ARVCF: variants seen among roughly 807,000 people sequenced by gnomAD.
ARVCF encodes splicing regulator ARVCF.
ARVCF carries 66 observed loss-of-function variants against 90.9 expected under a neutral mutation model. The ratio of observed to expected loss-of-function variants is 0.73; its 90% CI spans 0.60 to 0.89. ARVCF has a LOEUF of 0.89. Among genes scored for constraint, ARVCF ranks in the 40% least tolerant of loss-of-function variants. ARVCF has a pLI of 0.00. For synonymous variants in ARVCF, 653 were observed against 603.4 expected (o/e 1.08, Z -1.21); for missense variants, 1,469 against 1,382.3 (o/e 1.06, Z -1.00).
At chr22:19,967,158 G>A (rs1005904961), downstream of ARVCF, 38 of 1,302,548 alleles carry the variant, frequency 2.9e-5, no homozygotes, top group African/African-American at 7.6e-5. Context: ...TGTTTAACTC[G>A]TGCAGGTGCA....
At chr22:19,976,806 C>T (rs1157099088) in intron 9 of ARVCF, 83 bp from the exon 10 acceptor site, 1 of 1,482,702 alleles carries the variant, frequency 6.7e-7, no homozygotes, top group African/African-American at 1.4e-5. Context: ...CTCCCGGAAG[C>T]CTCAGGTTCC....
chr22:19,992,688 C>A (rs760843339), intron 2 of ARVCF, among the ~76,000 whole-genome samples: 14 of 152,218 alleles, frequency 9.2e-5, no homozygotes, highest in Non-Finnish European at 1.6e-4. Flanking sequence ...TGGCAACAAT[C>A]AGGACCACAG....
rs376589668 is a variant in ARVCF at position 19,978,010 on chromosome 22, G to T, written c.1646C>A (p.Ala549Glu). ...AGCCGACTGCAGGGCATGCAGGAGCGCGTCCACCAGCCCTTCACACTCCCG... is the reference window on the plus strand; with the variant it reads ...AGCCGACTGCAGGGCATGCAGGAGCTCGTCCACCAGCCCTTCACACTCCCG... Reference protein sequence around the residue: ...RLRECEGLVDALLHALQSAVG... With the variant: ...RLRECEGLVDELLHALQSAVG... Residue 549 changes from alanine (A) to glutamate (E), a missense_variant, in exon 8 of 20, where the codon GCG (alanine) becomes GAG (glutamate). Coordinates refer to ENST00000263207, the MANE Select transcript of ARVCF (RefSeq NM_001670.3). 2.5e-6 allele frequency: 4 copies of T among 1,611,982 alleles called. No individual in the cohort carries two copies. The highest frequency in any genetic ancestry group is 1.7e-5 in the Admixed American group (1 of 59,924).
chr22:20,002,260 C>T lies in ARVCF; in HGVS notation c.-19+8195G>A, dbSNP rs145862969. ...GCTCCTAAATGCGCTGTGTCCACTTCGAGGTGTAGGGAGGAGGGTGCCCAG... is the reference window on the plus strand; with the variant it reads ...GCTCCTAAATGCGCTGTGTCCACTTTGAGGTGTAGGGAGGAGGGTGCCCAG... On this transcript the variant is annotated intron_variant, in intron 2 of 19. Coordinates refer to ENST00000263207, the MANE Select transcript of ARVCF (RefSeq NM_001670.3). Among the ~76,000 whole-genome samples the T allele has an allele frequency of 5.3e-5, 8 of 152,308 alleles. No homozygotes were observed. In the South Asian group the frequency reaches 6.2e-4, roughly 12 times the overall value.
chr22:19,977,977 C>T lies in ARVCF; in HGVS notation c.1679G>A (p.Arg560Gln), dbSNP rs780343598. Residue 560 changes from arginine (R) to glutamine (Q), a missense_variant, in exon 8 of 20, where the codon CGG becomes CAG. Physicochemically the swap from Arg to Gln is conservative, Grantham distance 43. Transcript: ENST00000263207. Reference protein sequence around the residue: ...LLHALQSAVGRKDTDNKSVEN... With the variant: ...LLHALQSAVGQKDTDNKSVEN... Reference sequence around the variant, plus strand: ...GCCCACCTTGTTGTCAGTGTCCTTCCGGCCCACAGCCGACTGCAGGGCATG... The same window carrying T: ...GCCCACCTTGTTGTCAGTGTCCTTCTGGCCCACAGCCGACTGCAGGGCATG... 39 of 1,609,370 alleles carry T rather than the reference C, an allele frequency of 2.4e-5. No homozygotes were observed. The highest frequency in any genetic ancestry group is 7.7e-5 in the South Asian group (7 of 90,704).
At chr22:19,984,423 G>A (rs1288480798) in intron 3 of ARVCF, among the ~76,000 whole-genome samples, 3 of 152,138 alleles carry the variant, frequency 2.0e-5, no homozygotes, top group Non-Finnish European at 4.4e-5. Context: ...TAGCAGCCCC[G>A]CAGTAGGATC....
Position 19,972,983 on chromosome 22 carries a change from C to CTGGACACTGTGGACAGTGG in ARVCF, c.2491_2492insCCACTGTCCACAGTGTCCA (p.Ser831ThrfsTer36), listed in dbSNP as rs764221133. Reference sequence around the variant, plus strand: ...CAAGGTACCACGCAGCTCCTTGTAGCTCCACACTGTCTGCAGCACGTGTGA... The same window carrying CTGGACACTGTGGACAGTGG: ...CAAGGTACCACGCAGCTCCTTGTAGCTGGACACTGTGGACAGTGGTCCACACTGTCTGCAGCACGTGTGA... On this transcript the variant is annotated frameshift_variant, in exon 15 of 20. Transcript: ENST00000263207. LOFTEE classifies it high-confidence loss of function. 1 of 1,613,738 alleles carries CTGGACACTGTGGACAGTGG rather than the reference C, an allele frequency of 6.2e-7. No individual in the cohort carries two copies. Among genetic ancestry groups the CTGGACACTGTGGACAGTGG allele is most frequent in the South Asian group, 1.1e-5 (1 of 91,088 alleles).
chr22:19,984,677 A>T (rs1479423193), intron 3 of ARVCF, among the ~76,000 whole-genome samples: 1 of 152,170 alleles, frequency 6.6e-6, no homozygotes, highest in Non-Finnish European at 1.5e-5. Flanking sequence ...GTGTGCTCTA[A>T]CAGCACCCCA....
At chr22:19,968,188 G>A (rs772277151), downstream of ARVCF, among the ~76,000 whole-genome samples, 7 of 152,182 alleles carry the variant, frequency 4.6e-5, no homozygotes, top group Non-Finnish European at 8.8e-5. Context: ...CTGAGTTCCT[G>A]GCACTGGGTG....
intron 2 of ARVCF, among the ~76,000 whole-genome samples, chr22:20,001,350 T>G (rs558015911): frequency 6.6e-6 from 1 of 152,172 alleles, no homozygotes; most frequent in African/African-American, 2.4e-5. Flanking sequence ...AAGCACAACT[T>G]ACAGCAGCCT....
chr22:19,971,447 G>A, intron 18 of ARVCF, 112 bp from the exon 19 acceptor site: 1 of 1,308,364 alleles, frequency 7.6e-7, no homozygotes, highest in East Asian at 2.5e-5. Context: ...TGGCCTGCCA[G>A]GACAGCACAG....
At chr22:19,975,819 G>C (rs952167445) in intron 10 of ARVCF, 62 bp from the exon 11 acceptor site, 6 of 1,566,804 alleles carry the variant, frequency 3.8e-6, no homozygotes, top group Non-Finnish European at 5.3e-6. Context: ...TGTATCAGGA[G>C]AGTTGGGCAC....
chr22:19,974,202 G>A lies in ARVCF; in HGVS notation c.1998C>T (p.Leu666=). 2.5e-6 allele frequency: 4 copies of A among 1,612,722 alleles called. No homozygotes were observed. The highest frequency in any genetic ancestry group is 3.4e-6 in the Non-Finnish European group (4 of 1,179,740). The change falls in exon 12 of 20, where the codon CTC becomes CTT. Residue 666 remains leucine, a synonymous_variant. Transcript: ENST00000263207. ...ELLYQPEVVR[L]YLSLLTESRN... is the part of the protein sequence containing the mutation. Reference sequence around the variant, plus strand: ...GGCTCTCCGTGAGGAGGGAGAGGTAGAGACGTACCACCTCGGGCTGGTACA... The same window carrying A: ...GGCTCTCCGTGAGGAGGGAGAGGTAAAGACGTACCACCTCGGGCTGGTACA...
chr22:20,006,630 C>T (rs1462336007), intron 2 of ARVCF, among the ~76,000 whole-genome samples: 1 of 150,774 alleles, frequency 6.6e-6, no homozygotes, highest in African/African-American at 2.4e-5. Flanking sequence ...TGCATAATAC[C>T]CTTTTATTTA....
chr22:19,980,365 TG>T, intron 5 of ARVCF, 123 bp from the exon 6 acceptor site: 1 of 1,357,266 alleles, frequency 7.4e-7, no homozygotes, highest in South Asian at 1.7e-5. Context: ...TGAGAGCACC[TG>T]TATCTTGGCC....
At chr22:19,974,311 C>T in intron 11 of ARVCF, 72 bp from the exon 12 acceptor site, 3 of 1,480,878 alleles carry the variant, frequency 2.0e-6, no homozygotes, top group Non-Finnish European at 2.7e-6. Context: ...TCCCGCTTCC[C>T]GCTTCAGAGC....
rs1214111214 is a variant in ARVCF, at chr22:19,981,715, A to G, written c.392T>C (p.Val131Ala). ...ETKVTKTVKT[V>A]TTRTVRQVPV... ...CACCTGGCGTACTGTCCGAGTGGTC[A>G]CCGTCTTGACAGTCTTGGTGACCTG... The change falls in exon 5 of 20, where the codon GTG (valine) becomes GCG (alanine). Residue 131 changes from valine (V) to alanine (A), a missense_variant. Val to Ala is a moderately conservative substitution (Grantham distance 64). Transcript: ENST00000263207. 1.9e-6 allele frequency: 3 copies of G among 1,574,410 alleles called. No individual in the cohort carries two copies. The East Asian group carries it at 6.7e-5, about 35-fold the overall frequency.
Position 19,999,647 on chromosome 22 carries a change from G to A in ARVCF, c.-18-8835C>T, listed in dbSNP as rs554210545. On this transcript the variant is annotated intron_variant, in intron 2 of 19. Coordinates refer to ENST00000263207, the MANE Select transcript of ARVCF (RefSeq NM_001670.3). ...AGGCCATATGGTTCAGAATGGATCA[G>A]AGGATGGTGTGGGTGGGAGAATTAA... 2.0e-5 allele frequency among the ~76,000 whole-genome samples: 3 copies of A among 152,368 alleles called. No homozygotes were observed. The East Asian group carries it at 5.8e-4, about 29-fold the overall frequency.
chr22:19,978,911 C>T lies in ARVCF; in HGVS notation c.1566G>A (p.Thr522=), dbSNP rs764221780. The T allele has an allele frequency of 3.1e-6, 5 of 1,611,336 alleles. No homozygotes were observed. Among genetic ancestry groups the T allele is most frequent in the East Asian group, 2.2e-5 (1 of 44,838 alleles). ...CTGGTCCACACCTCAGGCAGCCCGACGTGTTCTTGAAGACAGTTGTCCACT... is the reference window on the plus strand; with the variant it reads ...CTGGTCCACACCTCAGGCAGCCCGATGTGTTCTTGAAGACAGTTGTCCACT... ...DAEWTTVFKN[T]SGCLRNVSSD... The change falls in exon 7 of 20, where the codon ACG becomes ACA. Residue 522 remains threonine, a synonymous_variant. Coordinates refer to ENST00000263207, the MANE Select transcript of ARVCF (RefSeq NM_001670.3).
Sources: gnomAD v4.1 joint callset for allele counts (sites outside exome capture counted in the v4.1 genomes callset) on GRCh38, gnomAD v4.1.1 for gene constraint, MANE v1.5 for transcripts, NCBI Gene and HGNC (gene_info 2026-07-23, HGNC 2026-07-21) for gene names.